SI: variants seen among roughly 807,000 people sequenced by gnomAD.
The protein encoded by SI is sucrase-isomaltase, also known as sucrase-isomaltase, intestinal.
In SI, 235 loss-of-function variants were observed where a neutral mutation model predicts 253.3. That is an observed-to-expected ratio of 0.93 (90% CI 0.83 to 1.03). The LOEUF is 1.03. Among genes scored for constraint, SI ranks in the 50% least tolerant of loss-of-function variants. SI has a pLI of 0.00. For synonymous variants in SI, 819 were observed against 712.0 expected (o/e 1.15, Z -2.39); for missense variants, 2,442 against 2,211.1 (o/e 1.10, Z -2.09).
rs1448857928 is a variant in SI, at chr3:164,992,200, C to G, written c.4960G>C (p.Ala1654Pro). 1.9e-6 allele frequency: 3 copies of G among 1,611,772 alleles called. No homozygotes were observed. Residue 1654 changes from alanine to proline, a missense_variant, in exon 43 of 48, where the codon GCT becomes CCT. Transcript: ENST00000264382. ...ACTGTATGGTAGTCAAACCACCGAG[C>G]ATTGGGGACGTAGGCATTTACAGTT... ...VQTVNAYVPNARWFDYHTGKD... is the reference protein window; with the variant it reads ...VQTVNAYVPNPRWFDYHTGKD...
In SI at chr3:165,062,282, A is replaced by G. The variant is rs1033190256; in HGVS notation, c.1020+89T>C. The stretch of plus-strand genomic sequence containing the variant: ...AACATTTAGCTAAGAGGCCCCTACT[A>G]TGTAAAATAAAGTCATCTAAATATG... On this transcript the variant is annotated intron_variant, in intron 9 of 47. Coordinates refer to ENST00000264382, the MANE Select transcript of SI (RefSeq NM_001041.4). 8 of 724,412 alleles carry G rather than the reference A, an allele frequency of 1.1e-5. 1 individual carries two copies. The highest frequency in any genetic ancestry group is 7.3e-4 in the Middle Eastern group (2 of 2,724). 44.9% of individuals were successfully genotyped at this position (724,412 alleles called of 1,614,324 possible). A position where few individuals can be genotyped will look rare whatever the true frequency, so the allele number is the denominator to read the frequency against.
intron 21 of SI, among the ~76,000 whole-genome samples, chr3:165,037,082 G>A (rs752490913): frequency 6.6e-6 from 1 of 151,642 alleles, no homozygotes; most frequent in Non-Finnish European, 1.5e-5. Flanking sequence ...CAGCTCTGGT[G>A]TATAACAATT....
At chr3:165,063,878 G>A (rs1225334415) in intron 7 of SI, among the ~76,000 whole-genome samples, 1 of 149,056 alleles carries the variant, frequency 6.7e-6, no homozygotes, top group African/African-American at 2.5e-5. Context: ...AAACCATCCT[G>A]GCTAACATGA....
chr3:164,994,200 G>A, intron 41 of SI, 57 bp downstream of exon 41: 1 of 1,482,658 alleles, frequency 6.7e-7, no homozygotes, highest in Non-Finnish European at 9.4e-7. Flanking sequence ...GAGATCATTG[G>A]GTAAATTAAG....
intron 19 of SI, among the ~76,000 whole-genome samples, chr3:165,039,403 T>C (rs966360382): frequency 2.0e-5 from 3 of 152,108 alleles, no homozygotes; most frequent in African/African-American, 4.8e-5. Context: ...ATAAAACACA[T>C]GGTCATTGTG....
At chr3:164,985,852 A>T (rs765517117) in intron 45 of SI, among the ~76,000 whole-genome samples, 1 of 152,122 alleles carries the variant, frequency 6.6e-6, no homozygotes, top group Non-Finnish European at 1.5e-5. Context: ...TGAAACTTGA[A>T]TGAGTCCTAT....
Position 164,992,453 on chromosome 3 carries a change from C to A in SI, c.4842-56G>T, listed in dbSNP as rs1717799262. The stretch of plus-strand genomic sequence containing the variant: ...AAAACAAATAACTTTCTTCTGAATA[C>A]CATAAAATCATTATTCAAATTACAT... On this transcript the variant is annotated intron_variant, in intron 41 of 47. Coordinates refer to ENST00000264382, the MANE Select transcript of SI (RefSeq NM_001041.4). The A allele has an allele frequency of 7.9e-6, 9 of 1,135,684 alleles. No individual in the cohort carries two copies. In the South Asian group the frequency reaches 1.1e-4, roughly 14 times the overall value. 70.4% of individuals were successfully genotyped at this position (1,135,684 alleles called of 1,614,324 possible).
the SI span, among the ~76,000 whole-genome samples, chr3:165,085,122 C>T: frequency 2.0e-5 from 3 of 152,076 alleles, no homozygotes; most frequent in Non-Finnish European, 4.4e-5. Context: ...TCACCAGACT[C>T]TCTCAAACTA....
intron 45 of SI, 67 bp downstream of exon 45, chr3:164,987,071 G>T: frequency 8.2e-7 from 1 of 1,212,240 alleles, no homozygotes; most frequent in Admixed American, 1.7e-5. Flanking sequence ...AACAATAATA[G>T]ATAACGTAAA....
At chr3:165,019,793 CTA>C (rs770590952) in intron 27 of SI, 23 bp from the exon 28 acceptor site, 2 of 1,606,374 alleles carry the variant, frequency 1.2e-6, no homozygotes, top group Non-Finnish European at 1.7e-6. Context: ...GAAAACAAAG[CTA>C]TGTCTGTCAA....
At chr3:165,057,209 C>G (rs910692045) in intron 12 of SI, among the ~76,000 whole-genome samples, 1 of 151,604 alleles carries the variant, frequency 6.6e-6, no homozygotes, top group African/African-American at 2.4e-5. Context: ...AAGAATGCAT[C>G]AGAGTCTTTT....
chr3:165,055,747 A>T (rs1713666536), intron 12 of SI, among the ~76,000 whole-genome samples: 1 of 152,072 alleles, frequency 6.6e-6, no homozygotes, highest in Non-Finnish European at 1.5e-5. Flanking sequence ...CATGAATATG[A>T]TACATACTGG....
rs139669904 is a variant in SI, at chr3:165,015,459, G to T, written c.3889-226C>A. Among the ~76,000 whole-genome samples, 184 of 152,182 alleles carry T rather than the reference G, an allele frequency of 1.2e-3. 1 individual carries two copies. Among genetic ancestry groups the T allele is most frequent in the African/African-American group, 4.3e-3 (178 of 41,548 alleles). On this transcript the variant is annotated intron_variant, in intron 32 of 47. Coordinates refer to ENST00000264382, the MANE Select transcript of SI (RefSeq NM_001041.4). ...ATGCATCAGCTATCATTTCAAGAAA[G>T]ATTAGTAGAGGTTTTTATTTTGTTT...
At chr3:164,987,013 T>C in intron 45 of SI, 125 bp downstream of exon 45, 1 of 774,678 alleles carries the variant, frequency 1.3e-6, no homozygotes, top group Non-Finnish European at 2.2e-6. Flanking sequence ...TTTAGTAAAA[T>C]CTTTTAGCCT....
chr3:164,983,955 T>TAAAAAAA (rs1717319340), intron 45 of SI, among the ~76,000 whole-genome samples: 2 of 152,090 alleles, frequency 1.3e-5, no homozygotes, highest in Admixed American at 6.6e-5. Flanking sequence ...TAAAACTTGT[T>TAAAAAAA]TAGTGCTGAC....
intron 25 of SI, 39 bp from the exon 26 acceptor site, chr3:165,023,815 G>T: frequency 7.0e-7 from 1 of 1,419,512 alleles, no homozygotes; most frequent in Non-Finnish European, 9.9e-7. Context: ...GAAATTATAA[G>T]CCTTGTAATA....
chr3:165,077,770 G>A (rs1234957022), intron 1 of SI, among the ~76,000 whole-genome samples: 1 of 151,400 alleles, frequency 6.6e-6, no homozygotes, highest in Non-Finnish European at 1.5e-5. Context: ...TTTCCTTTTT[G>A]ATAAGGGAAG....
intron 24 of SI, 92 bp downstream of exon 24, chr3:165,032,429 TG>T: frequency 2.4e-6 from 2 of 821,344 alleles, no homozygotes; most frequent in Non-Finnish European, 3.9e-6. Context: ...GAATACACAC[TG>T]TGAGGAGAAA....
At chr3:165,036,316 C>A in intron 22 of SI, 73 bp downstream of exon 22, 1 of 952,832 alleles carries the variant, frequency 1.0e-6, no homozygotes, top group Non-Finnish European at 1.7e-6. Context: ...AAAAATGATA[C>A]AACCTATATC....
Sources: gnomAD v4.1 joint callset for allele counts (sites outside exome capture counted in the v4.1 genomes callset) on GRCh38, gnomAD v4.1.1 for gene constraint, MANE v1.5 for transcripts, NCBI Gene and HGNC (gene_info 2026-07-23, HGNC 2026-07-21) for gene names.